Variants in MROH9 observed in about 807,000 individuals in gnomAD.
MROH9 encodes the protein maestro heat like repeat family member 9, also known as maestro heat-like repeat-containing protein family member 9.
In MROH9, 92 loss-of-function variants were observed where a neutral mutation model predicts 98.2. That is an observed-to-expected ratio of 0.94 (90% CI 0.79 to 1.11). The LOEUF is 1.11. MROH9 is among the 50% of genes most tolerant of loss of function. MROH9 has a pLI of 0.00. For synonymous variants in MROH9, 397 were observed against 368.9 expected (o/e 1.08, Z -0.87); for missense variants, 1,057 against 1,014.8 (o/e 1.04, Z -0.57).
chr1:170,978,467 G>T (rs913628567), intron 8 of MROH9, among the ~76,000 whole-genome samples: 2 of 152,130 alleles, frequency 1.3e-5, no homozygotes, highest in Non-Finnish European at 2.9e-5. Context: ...TAAGCCAGGG[G>T]CCCTGGCTGG....
chr1:170,978,093 C>T (rs1013346975), intron 8 of MROH9, among the ~76,000 whole-genome samples: 13 of 152,146 alleles, frequency 8.5e-5, no homozygotes, highest in Admixed American at 7.9e-4. Context: ...TTTTCATTTG[C>T]CCCCTTGAGC....
At chr1:170,965,310 T>C (rs1448036905) in intron 7 of MROH9, 55 bp downstream of exon 7, 2 of 1,213,356 alleles carry the variant, frequency 1.6e-6, no homozygotes, top group African/African-American at 1.5e-5. Flanking sequence ...ATTTCCATAG[T>C]GCTGCTTTCC....
intron 5 of MROH9, among the ~76,000 whole-genome samples, chr1:170,960,911 G>A (rs948622602): frequency 6.6e-6 from 1 of 152,190 alleles, no homozygotes; most frequent in Admixed American, 6.5e-5. Context: ...TTATAGGTGT[G>A]TGGCACTGTG....
At chr1:171,045,626 T>C (rs1272952213) in intron 20 of MROH9, among the ~76,000 whole-genome samples, 1 of 152,190 alleles carries the variant, frequency 6.6e-6, no homozygotes, top group African/African-American at 2.4e-5. Context: ...TATTAATTTT[T>C]AGTTTTATTC....
intron 8 of MROH9, among the ~76,000 whole-genome samples, chr1:170,980,401 A>G (rs998259071): frequency 6.6e-6 from 1 of 152,152 alleles, no homozygotes; most frequent in Admixed American, 6.5e-5. Context: ...GACCAATGGA[A>G]CATTGGTGCT....
intron 8 of MROH9, among the ~76,000 whole-genome samples, chr1:170,975,034 A>C (rs765979366): frequency 1.3e-5 from 2 of 152,174 alleles, no homozygotes; most frequent in African/African-American, 2.4e-5. Context: ...AAATGGAATC[A>C]TAGAAAATAA....
intron 12 of MROH9, among the ~76,000 whole-genome samples, chr1:170,993,939 A>G (rs188740022): frequency 6.6e-6 from 1 of 152,232 alleles, no homozygotes; most frequent in South Asian, 2.1e-4. Flanking sequence ...CCAATTTGCT[A>G]TATACTACAT....
chr1:171,005,353 G>A (rs1451594376), intron 15 of MROH9, among the ~76,000 whole-genome samples: 3 of 152,172 alleles, frequency 2.0e-5, no homozygotes, highest in Admixed American at 1.3e-4. Flanking sequence ...TTACAGGCAT[G>A]AGCCATCACG....
chr1:171,045,320 CT>C (rs1653440105), intron 20 of MROH9, among the ~76,000 whole-genome samples: 1 of 151,908 alleles, frequency 6.6e-6, no homozygotes, highest in Non-Finnish European at 1.5e-5. Flanking sequence ...TTTATTATTT[CT>C]TTTCTTTTAC....
chr1:171,039,300 A>G (rs1653219442), intron 20 of MROH9, among the ~76,000 whole-genome samples: 2 of 152,200 alleles, frequency 1.3e-5, no homozygotes, highest in Non-Finnish European at 2.9e-5. Flanking sequence ...CTGCAGTTGT[A>G]AGAACAATCC....
At chr1:171,039,051 T>C (rs1168806226) in intron 20 of MROH9, among the ~76,000 whole-genome samples, 2 of 151,984 alleles carry the variant, frequency 1.3e-5, no homozygotes, top group African/African-American at 4.8e-5. Flanking sequence ...TTCACCACAC[T>C]CCCCACCACC....
intron 20 of MROH9, among the ~76,000 whole-genome samples, chr1:171,026,268 C>T (rs556005498): frequency 6.8e-6 from 1 of 147,182 alleles, no homozygotes; most frequent in Admixed American, 6.7e-5. Flanking sequence ...AACTTTCTGT[C>T]ATTTTCTTTT....
chr1:171,008,997 T>A (rs1187252508), intron 15 of MROH9, among the ~76,000 whole-genome samples: 1 of 149,850 alleles, frequency 6.7e-6, no homozygotes, highest in African/African-American at 2.4e-5. Context: ...TTATATATAA[T>A]TCTATATAGT....
intron 20 of MROH9, among the ~76,000 whole-genome samples, chr1:171,033,740 C>T (rs903312585): frequency 2.6e-5 from 4 of 151,990 alleles, no homozygotes; most frequent in Admixed American, 2.0e-4. Flanking sequence ...CTATTCGGCT[C>T]CCCCACAAAA....
chr1:170,949,734 G>T (rs905311341), intron 3 of MROH9, among the ~76,000 whole-genome samples: 2 of 152,014 alleles, frequency 1.3e-5, no homozygotes, highest in Admixed American at 6.6e-5. Context: ...TTCTTCATCA[G>T]CAGGGCTGTT....
chr1:170,970,095 C>A (rs1650382729), intron 7 of MROH9, among the ~76,000 whole-genome samples: 1 of 152,134 alleles, frequency 6.6e-6, no homozygotes, highest in Non-Finnish European at 1.5e-5. Context: ...CTAGATAGAT[C>A]CTAACTGGCA....
intron 20 of MROH9, among the ~76,000 whole-genome samples, chr1:171,049,772 C>A (rs1653605836): frequency 6.6e-6 from 1 of 152,084 alleles, no homozygotes; most frequent in African/African-American, 2.4e-5. Context: ...CCTCGACCTC[C>A]CAGGTTCAAG....
intron 16 of MROH9, chr1:171,015,204 C>T (rs1210623182): frequency 2.7e-6 from 1 of 376,408 alleles, no homozygotes; most frequent in Non-Finnish European, 5.3e-6. Flanking sequence ...TTTAGAATGA[C>T]ATAAGCCATG....
chr1:171,055,858 G>A (rs1279884110), intron 20 of MROH9, among the ~76,000 whole-genome samples: 1 of 152,158 alleles, frequency 6.6e-6, no homozygotes, highest in Non-Finnish European at 1.5e-5. Context: ...TCCATGGAGA[G>A]AAAGGAAGAG....
Sources: gnomAD v4.1 joint callset for allele counts (sites outside exome capture counted in the v4.1 genomes callset) on GRCh38, gnomAD v4.1.1 for gene constraint, MANE v1.5 for transcripts, NCBI Gene and HGNC (gene_info 2026-07-23, HGNC 2026-07-21) for gene names.